The following SRL variants were observed in gnomAD, a reference collection of about 807,000 sequenced individuals.
The protein encoded by SRL is sarcalumenin.
Under a neutral mutation model 39.5 loss-of-function variants are expected in SRL, and 23 were observed. The ratio of observed to expected loss-of-function variants is 0.58; its 90% CI spans 0.42 to 0.82. The LOEUF (loss-of-function observed/expected upper bound fraction) is 0.82. SRL is among the 40% of genes least tolerant of loss of function. The probability of loss-of-function intolerance (pLI) is 0.00; values close to 1 mark genes in which losing one functional copy is unlikely to be tolerated. For missense variants in SRL, 592 were observed against 607.8 expected, an observed-to-expected ratio of 0.97 and a Z score of 0.27; for synonymous variants, 272 against 237.4, an observed-to-expected ratio of 1.15 and a Z score of -1.34.
At chr16:4,233,403 C>T (rs1001710123) in intron 1 of SRL, among the ~76,000 whole-genome samples, 2 of 152,156 alleles carry the variant, frequency 1.3e-5, no homozygotes, top group African/African-American at 2.4e-5. Context: ...TGATGAAATA[C>T]GGGCAAATTA....
rs780527939 is a variant in SRL, at chr16:4,190,787, C to G, written c.*1366G>C. 6.6e-5 allele frequency: 18 copies of G among 273,098 alleles called. No individual in the cohort carries two copies. Among genetic ancestry groups the G allele is most frequent in the Admixed American group, 3.8e-4 (7 of 18,656 alleles). 16.9% of individuals were successfully genotyped at this position (273,098 alleles called of 1,614,324 possible). A position where few individuals can be genotyped will look rare whatever the true frequency, so the allele number is the denominator to read the frequency against. On this transcript the variant is annotated 3_prime_UTR_variant, in exon 6 of 6. Coordinates refer to ENST00000399609, the MANE Select transcript of SRL (RefSeq NM_001098814.2). ...CGACACCGAGTGGCTGGTGCTGGTT[C>G]TGACTCCTAGGAAATTGCTCCAAGT...
chr16:4,227,444 G>C (rs111863591), intron 1 of SRL, among the ~76,000 whole-genome samples: 37,471 of 151,418 alleles, frequency 0.25, 5,033 homozygotes, highest in Admixed American at 0.33. Flanking sequence ...TGGATGTGTG[G>C]GTGCGTGGAT....
intron 1 of SRL, among the ~76,000 whole-genome samples, chr16:4,225,442 G>T (rs1461917841): frequency 6.6e-6 from 1 of 151,808 alleles, no homozygotes; most frequent in East Asian, 1.9e-4. Flanking sequence ...AAATGAGCTG[G>T]GTGTGGTGGT....
chr16:4,222,928 T>C (rs555160126), intron 1 of SRL, among the ~76,000 whole-genome samples: 8 of 152,160 alleles, frequency 5.3e-5, no homozygotes, highest in East Asian at 3.9e-4. Context: ...GCCCCGTCTC[T>C]ACTAAAAACA....
intron 3 of SRL, among the ~76,000 whole-genome samples, chr16:4,199,693 C>CTT (rs35631556): frequency 0.086 from 8,239 of 96,362 alleles, 820 homozygotes; most frequent in South Asian, 0.33. Context: ...TTTTCTTTTC[C>CTT]TTTTTTTTTT....
chr16:4,230,527 G>C (rs1054044219), intron 1 of SRL, among the ~76,000 whole-genome samples: 11 of 151,650 alleles, frequency 7.3e-5, no homozygotes, highest in Admixed American at 7.2e-4. Context: ...ATTACAGGCG[G>C]GCACCACTAT....
At chr16:4,203,367 G>A in intron 2 of SRL, 106 bp from the exon 3 acceptor site, 1 of 868,850 alleles carries the variant, frequency 1.2e-6, no homozygotes, top group Admixed American at 2.0e-5. Flanking sequence ...CCCCTGCCTG[G>A]TGGGCAGCAA....
At chr16:4,230,257 T>C (rs938130347) in intron 1 of SRL, among the ~76,000 whole-genome samples, 3 of 151,940 alleles carry the variant, frequency 2.0e-5, no homozygotes, top group African/African-American at 4.8e-5. Flanking sequence ...CCATGAGCTG[T>C]GGAACAAAGT....
Position 4,222,946 on chromosome 16 carries a change from T to C in SRL, c.62-18312A>G, listed in dbSNP as rs568980446. 1.3e-4 allele frequency among the ~76,000 whole-genome samples: 19 copies of C among 151,094 alleles called. No individual in the cohort carries two copies. In the South Asian group the frequency reaches 3.8e-3, roughly 30 times the overall value. ...CCGTCTCTACTAAAAACACAAAAATTAGGCTGAGTGCGGTGGCTCATGCCT... is the reference window on the plus strand; with the variant it reads ...CCGTCTCTACTAAAAACACAAAAATCAGGCTGAGTGCGGTGGCTCATGCCT... On this transcript the variant is annotated intron_variant, in intron 1 of 5. Transcript: ENST00000399609.
In SRL at chr16:4,190,561, G is replaced by A. The variant is rs1330020522; in HGVS notation, c.*1592C>T. On this transcript the variant is annotated 3_prime_UTR_variant, in exon 6 of 6. Coordinates refer to ENST00000399609, the MANE Select transcript of SRL (RefSeq NM_001098814.2). Reference sequence around the variant, plus strand: ...CCTCTGCTCCCCACCACCTGCTGTGGAGCCGTGCATGCTAGCCTTGCAAGA... The same window carrying A: ...CCTCTGCTCCCCACCACCTGCTGTGAAGCCGTGCATGCTAGCCTTGCAAGA... 5.0e-6 allele frequency: 2 copies of A among 398,590 alleles called. No individual in the cohort carries two copies. Among genetic ancestry groups the A allele is most frequent in the Non-Finnish European group, 8.8e-6 (2 of 226,368 alleles). The allele number at this position is 398,590 out of a possible 1,614,324, so 24.7% of individuals were successfully genotyped here. A position where few individuals can be genotyped will look rare whatever the true frequency, so the allele number is the denominator to read the frequency against.
chr16:4,192,945 C>T lies in SRL; in HGVS notation c.630G>A (p.Val210=), dbSNP rs1249511809. ...QQERGYPFND[V]CQWFIDRADL... ...CAGCTCTGTCGATGAACCACTGGCACACGTCGTTGAAGGGGTAGCCTTTGG... is the reference window on the plus strand; with the variant it reads ...CAGCTCTGTCGATGAACCACTGGCATACGTCGTTGAAGGGGTAGCCTTTGG... The change falls in exon 6 of 6, where the codon GTG becomes GTA. Residue 210 remains valine (V), a synonymous_variant. Transcript: ENST00000399609. This position sits in a 1 kb window ranked among gnomAD's most constrained non-coding sequence, Gnocchi z 4.0. 1.9e-6 allele frequency: 3 copies of T among 1,611,592 alleles called. No homozygotes were observed. Among genetic ancestry groups the T allele is most frequent in the South Asian group, 2.2e-5 (2 of 91,042 alleles).
chr16:4,236,887 C>T (rs2141072219), intron 1 of SRL, among the ~76,000 whole-genome samples: 1 of 152,098 alleles, frequency 6.6e-6, no homozygotes, highest in South Asian at 2.1e-4. Flanking sequence ...TCGTGATCTG[C>T]CCTCAGCCTC....
intron 3 of SRL, among the ~76,000 whole-genome samples, chr16:4,199,869 G>T (rs951736380): frequency 6.6e-6 from 1 of 151,492 alleles, no homozygotes; most frequent in African/African-American, 2.4e-5. Flanking sequence ...GCTAATTTTT[G>T]TATTTTTAGT....
At chr16:4,193,535 C>T (rs1217691202) in intron 5 of SRL, among the ~76,000 whole-genome samples, 1 of 152,198 alleles carries the variant, frequency 6.6e-6, no homozygotes, top group Non-Finnish European at 1.5e-5. Context: ...GAGACCTGGA[C>T]TAGAATTTGA....
At chr16:4,195,914 A>G in intron 4 of SRL, 128 bp from the exon 5 acceptor site, 1 of 724,056 alleles carries the variant, frequency 1.4e-6, no homozygotes, top group Non-Finnish European at 2.3e-6. Flanking sequence ...TTGCCAAGCT[A>G]TTGGGGCTTT....
chr16:4,230,419 C>T (rs1007024730), intron 1 of SRL, among the ~76,000 whole-genome samples: 15 of 149,128 alleles, frequency 1.0e-4, no homozygotes, highest in African/African-American at 2.7e-4. Context: ...CTTGCCCTGT[C>T]GCCCAGGCTG....
intron 1 of SRL, among the ~76,000 whole-genome samples, chr16:4,234,303 A>G (rs1224007416): frequency 1.3e-5 from 2 of 152,184 alleles, no homozygotes; most frequent in East Asian, 3.8e-4. Flanking sequence ...CTATTAATTA[A>G]ATTTAATAAA....
At chr16:4,201,457 A>G (rs1409179626) in intron 3 of SRL, among the ~76,000 whole-genome samples, 1 of 150,550 alleles carries the variant, frequency 6.6e-6, no homozygotes, top group Non-Finnish European at 1.5e-5. Flanking sequence ...TTGGATTTTT[A>G]GTAGAGGCAG....
chr16:4,226,219 T>C (rs995445747), intron 1 of SRL, among the ~76,000 whole-genome samples: 2 of 152,204 alleles, frequency 1.3e-5, no homozygotes, highest in African/African-American at 4.8e-5. Flanking sequence ...CATAACTTAC[T>C]CAGTTTCCTG....
Sources: allele counts gnomAD v4.1 joint callset (sites outside exome capture counted in the v4.1 genomes callset), GRCh38; gene constraint gnomAD v4.1.1; non-coding constraint Gnocchi (gnomAD v3.1); transcripts MANE v1.5; gene names NCBI Gene and HGNC (gene_info 2026-07-23, HGNC 2026-07-21).